COBL: variants seen among roughly 807,000 people sequenced by gnomAD.
The protein encoded by COBL is protein cordon-bleu.
A neutral mutation model predicts 98.8 loss-of-function variants in COBL; 51 were observed. The ratio of observed to expected loss-of-function variants is 0.52; its 90% CI spans 0.41 to 0.65. The LOEUF (loss-of-function observed/expected upper bound fraction) is 0.65. COBL is among the 30% of genes least tolerant of loss of function. The pLI, the probability that COBL is intolerant of heterozygous loss-of-function variation, is 0.00. For missense variants in COBL, 1,617 were observed against 1,617.5 expected (o/e 1.00, Z 0.01); for synonymous variants, 634 against 651.7 (o/e 0.97, Z 0.41).
At chr7:51,073,364 G>C (rs903704662) in intron 7 of COBL, 1 of 696,970 alleles carries the variant, frequency 1.4e-6, no homozygotes, top group Non-Finnish European at 2.6e-6. Flanking sequence ...GGCCTGAGTA[G>C]GGAATGACGC....
chr7:51,065,701 C>T (rs1791855617), intron 7 of COBL, among the ~76,000 whole-genome samples: 1 of 152,238 alleles, frequency 6.6e-6, no homozygotes, highest in Non-Finnish European at 1.5e-5. Context: ...AGCACACAGG[C>T]TAATGCACAC....
intron 12 of COBL, 62 bp downstream of exon 12, chr7:51,025,047 G>T (rs530727456): frequency 2.2e-5 from 35 of 1,607,216 alleles, no homozygotes; most frequent in Middle Eastern, 2.3e-4. Flanking sequence ...CGTGTCCCTG[G>T]ATCTACGCTG....
At chr7:51,118,067 T>G (rs1409573050) in intron 6 of COBL, among the ~76,000 whole-genome samples, 2 of 152,216 alleles carry the variant, frequency 1.3e-5, no homozygotes, top group African/African-American at 4.8e-5. Flanking sequence ...CTAGTATTCT[T>G]TCCTCACTTT....
intron 7 of COBL, among the ~76,000 whole-genome samples, chr7:51,054,626 C>T (rs1252101411): frequency 6.6e-6 from 1 of 152,150 alleles, no homozygotes; most frequent in East Asian, 1.9e-4. Flanking sequence ...CAGGGGCCCT[C>T]GGAACCCCTA....
chr7:51,198,932 C>T (rs1446453526), intron 2 of COBL, among the ~76,000 whole-genome samples: 1 of 152,200 alleles, frequency 6.6e-6, no homozygotes, highest in Admixed American at 6.5e-5. Context: ...AGAAATCAGG[C>T]CCACAGCCTG....
At chr7:51,249,348 G>A (rs1796528687) in intron 1 of COBL, among the ~76,000 whole-genome samples, 1 of 152,164 alleles carries the variant, frequency 6.6e-6, no homozygotes, top group South Asian at 2.1e-4. Flanking sequence ...AACATTCCTG[G>A]AAATCTCTCA....
At chr7:51,231,460 G>A (rs1794743809) in intron 1 of COBL, among the ~76,000 whole-genome samples, 1 of 152,204 alleles carries the variant, frequency 6.6e-6, no homozygotes, top group Admixed American at 6.5e-5. Context: ...TGCAGGGCTG[G>A]GTCAAGGGCC....
chr7:51,295,043 T>G (rs1801292601), intron 1 of COBL, among the ~76,000 whole-genome samples: 1 of 151,870 alleles, frequency 6.6e-6, no homozygotes. Context: ...TCCCAGCACT[T>G]TGGGAGACCG....
At chr7:51,022,889 G>A (rs1787082362) in intron 12 of COBL, 1 of 152,236 alleles carries the variant, frequency 6.6e-6, no homozygotes, top group African/African-American at 2.4e-5. Context: ...TTAATGTAAA[G>A]TCACTTGGAT....
chr7:51,137,489 C>T (rs773871624), intron 5 of COBL, among the ~76,000 whole-genome samples: 5 of 151,716 alleles, frequency 3.3e-5, no homozygotes, highest in Non-Finnish European at 7.4e-5. Flanking sequence ...GTGCTAGCTA[C>T]TTGGGATGCT....
At chr7:51,227,774 T>C (rs1168789141) in intron 1 of COBL, among the ~76,000 whole-genome samples, 8 of 152,148 alleles carry the variant, frequency 5.3e-5, no homozygotes. Flanking sequence ...AGGGCAATGT[T>C]CCTGTGAAGA....
intron 5 of COBL, among the ~76,000 whole-genome samples, chr7:51,168,404 C>G (rs1242455130): frequency 6.6e-6 from 1 of 150,702 alleles, no homozygotes; most frequent in Admixed American, 6.6e-5. Flanking sequence ...CCACTGCACT[C>G]CAGCACCAGT....
chr7:51,085,863 G>A (rs557071800), intron 6 of COBL, among the ~76,000 whole-genome samples: 3 of 152,240 alleles, frequency 2.0e-5, no homozygotes, highest in African/African-American at 7.2e-5. Context: ...ATCCAGAATC[G>A]CAATGAAGTT....
At chr7:51,066,810 T>TG (rs1791979195) in intron 7 of COBL, among the ~76,000 whole-genome samples, 1 of 152,180 alleles carries the variant, frequency 6.6e-6, no homozygotes, top group Non-Finnish European at 1.5e-5. Context: ...CATGGCAAGG[T>TG]GCCTCCTGGC....
At chr7:51,302,529 C>T (rs1261151061) in intron 1 of COBL, among the ~76,000 whole-genome samples, 3 of 147,164 alleles carry the variant, frequency 2.0e-5, no homozygotes, top group South Asian at 2.1e-4. Flanking sequence ...TGTGGTGAGC[C>T]GATATTGCGC....
At chr7:51,085,417 G>A (rs1284759820) in intron 6 of COBL, 113 bp from the exon 7 acceptor site, 2 of 1,200,074 alleles carry the variant, frequency 1.7e-6, no homozygotes, top group African/African-American at 3.0e-5. Context: ...GGAAGGTGGT[G>A]CTCCAGGAGG....
intron 5 of COBL, among the ~76,000 whole-genome samples, chr7:51,175,190 G>A (rs1361268341): frequency 6.6e-6 from 1 of 152,248 alleles, no homozygotes; most frequent in Non-Finnish European, 1.5e-5. Context: ...GGAGCAGGTA[G>A]GTCAAGGTAT....
chr7:51,313,014 A>G (rs1803203682), intron 1 of COBL, among the ~76,000 whole-genome samples: 1 of 152,256 alleles, frequency 6.6e-6, no homozygotes, highest in South Asian at 2.1e-4. Flanking sequence ...TACTCTCCAC[A>G]TTACATCAAG....
intron 6 of COBL, among the ~76,000 whole-genome samples, chr7:51,108,652 G>A (rs892852943): frequency 2.6e-5 from 4 of 152,064 alleles, no homozygotes; most frequent in South Asian, 4.2e-4. Context: ...CTCCACCTTC[G>A]TTCCCTTCCC....
Sources: gnomAD v4.1 joint callset for allele counts (sites outside exome capture counted in the v4.1 genomes callset) on GRCh38, gnomAD v4.1.1 for gene constraint, MANE v1.5 for transcripts, NCBI Gene and HGNC (gene_info 2026-07-23, HGNC 2026-07-21) for gene names.